Variants in AP1G1 observed in about 807,000 individuals in gnomAD.
AP1G1 encodes the protein adaptor related protein complex 1 subunit gamma 1, also known as AP-1 complex subunit gamma-1.
Under a neutral mutation model 108.3 loss-of-function variants are expected in AP1G1, and 7 were observed. That is an observed-to-expected ratio of 0.06 (90% confidence interval 0.04 to 0.12). AP1G1 has a LOEUF of 0.12. Ranked by LOEUF, AP1G1 falls within the 10% of genes least tolerant of loss-of-function variation. AP1G1 has a pLI of 1.00. For missense variants in AP1G1, 756 were observed against 1,010.7 expected, an observed-to-expected ratio of 0.75 and a Z score of 3.42; for synonymous variants, 379 against 353.5, an observed-to-expected ratio of 1.07 and a Z score of -0.81.
intron 5 of AP1G1, among the ~76,000 whole-genome samples, chr16:71,770,719 C>G (rs1369560501): frequency 1.3e-5 from 2 of 152,208 alleles, no homozygotes; most frequent in East Asian, 3.8e-4. Flanking sequence ...ATCTGCCCAC[C>G]TTGGCCTCCC....
intron 1 of AP1G1, among the ~76,000 whole-genome samples, chr16:71,795,631 T>C (rs545832266): frequency 3.3e-5 from 5 of 152,244 alleles, no homozygotes; most frequent in Admixed American, 6.5e-5. Flanking sequence ...TTTAACGCCA[T>C]TTACAACCTG....
intron 2 of AP1G1, among the ~76,000 whole-genome samples, 195 bp from the exon 3 acceptor site, chr16:71,774,787 C>T (rs1477163907): frequency 1.3e-5 from 2 of 151,444 alleles, no homozygotes; most frequent in African/African-American, 4.9e-5. Flanking sequence ...ATGGTGTGAT[C>T]TCGGCTCACT....
rs761712527 is a variant in AP1G1, at chr16:71,750,323, A to G, written c.1294T>C (p.Tyr432His). 2 of 1,613,940 alleles carry G rather than the reference A, an allele frequency of 1.2e-6. No homozygotes were observed. The highest frequency in any genetic ancestry group is 4.5e-5 in the East Asian group (2 of 44,866). The change falls in exon 14 of 23, where the codon TAT becomes CAT. Residue 432 changes from tyrosine to histidine, a missense_variant. Transcript: ENST00000299980. ...TTGGGGACTGCATCATCACGAACAT[A>G]ACTTCCTGCCTAAAAGGAAATGCAG... ...IMRVLTTAGS[Y>H]VRDDAVPNLI...
chr16:71,789,990 A>C (rs113746141), intron 1 of AP1G1, among the ~76,000 whole-genome samples: 1 of 152,194 alleles, frequency 6.6e-6, no homozygotes, highest in African/African-American at 2.4e-5. Flanking sequence ...CACATTCAAC[A>C]AACTGTAACC....
intron 1 of AP1G1, among the ~76,000 whole-genome samples, chr16:71,806,222 G>C (rs538980912): frequency 1.3e-5 from 2 of 152,004 alleles, no homozygotes; most frequent in African/African-American, 4.8e-5. Context: ...CAATGACAGA[G>C]GTCAGACCAA....
chr16:71,792,586 C>T (rs1597085019), intron 1 of AP1G1, among the ~76,000 whole-genome samples: 1 of 152,300 alleles, frequency 6.6e-6, no homozygotes. Flanking sequence ...GGTGCAGTGG[C>T]TCACACCTGT....
intron 17 of AP1G1, 108 bp downstream of exon 17, chr16:71,746,480 C>T (rs918395642): frequency 9.5e-6 from 6 of 632,028 alleles, no homozygotes; most frequent in South Asian, 3.0e-5. Flanking sequence ...AATAGGGATA[C>T]GAGGAACAAT....
In AP1G1 at chr16:71,780,007, T is replaced by C. The variant is rs568392550; in HGVS notation, c.202-5415A>G. 1.2e-3 allele frequency among the ~76,000 whole-genome samples: 182 copies of C among 150,616 alleles called. 1 individual carries two copies. Among genetic ancestry groups the C allele is most frequent in the South Asian group, 6.5e-3 (31 of 4,760 alleles). On this transcript the variant is annotated intron_variant, in intron 2 of 22. Coordinates refer to ENST00000299980, the MANE Select transcript of AP1G1 (RefSeq NM_001128.6). ...TCAGTTTTTTTTTGTTTTTTTTTTT[T>C]TTTTGAGACGAAGTCTGGCTCTGTC...
chr16:71,762,050 A>T (rs1170884695), intron 9 of AP1G1, among the ~76,000 whole-genome samples: 2 of 152,052 alleles, frequency 1.3e-5, no homozygotes, highest in African/African-American at 2.4e-5. Context: ...AAACAACTGT[A>T]CATATAGACA....
intron 1 of AP1G1, chr16:71,808,204 C>CA (rs1555560556): frequency 4.4e-5 from 49 of 1,101,148 alleles, no homozygotes; most frequent in Middle Eastern, 4.3e-4. Context: ...AACAAAACAA[C>CA]AACATATACA....
Position 71,739,075 on chromosome 16 carries a change from T to C in AP1G1, c.2135A>G (p.Lys712Arg), listed in dbSNP as rs2045585796. 1 of 1,614,232 alleles carries C rather than the reference T, an allele frequency of 6.2e-7. No homozygotes were observed. The change falls in exon 21 of 23, where the codon AAG (lysine) becomes AGG (arginine). Residue 712 changes from lysine (K) to arginine (R), a missense_variant. Transcript: ENST00000299980. ...AGIPSITAYS[K>R]NGLKIEFTFE... is the part of the protein sequence containing the mutation. ...GGTGAATTCTATCTTCAAGCCATTCTTACTGTATGCTGTGATGGAGGGGAT... is the reference window on the plus strand; with the variant it reads ...GGTGAATTCTATCTTCAAGCCATTCCTACTGTATGCTGTGATGGAGGGGAT...
At chr16:71,763,134 A>T (rs963655712) in intron 9 of AP1G1, among the ~76,000 whole-genome samples, 2 of 152,208 alleles carry the variant, frequency 1.3e-5, no homozygotes, top group African/African-American at 4.8e-5. Flanking sequence ...GCTGAGGTGG[A>T]AAGATTGCTT....
chr16:71,753,614 T>G (rs2030620051), intron 13 of AP1G1: 5 of 538,882 alleles, frequency 9.3e-6, no homozygotes, highest in Non-Finnish European at 1.7e-5. Flanking sequence ...AACTCTAATC[T>G]AAAACACTTG....
In AP1G1 at chr16:71,738,969, G is replaced by A; in HGVS notation, c.2241C>T (p.Asp747=). 1 of 1,613,994 alleles carries A rather than the reference G, an allele frequency of 6.2e-7. No homozygotes were observed. The highest frequency in any genetic ancestry group is 1.1e-5 in the South Asian group (1 of 91,062). ...TTGGTACTGCAGCTTGGAAAACAAAGTCCGTCATATCTAGCTCTGTGCTGT... is the reference window on the plus strand; with the variant it reads ...TTGGTACTGCAGCTTGGAAAACAAAATCCGTCATATCTAGCTCTGTGCTGT... ...ASNSTELDMT[D]FVFQAAVPKT... The change falls in exon 21 of 23, where the codon GAC becomes GAT. Residue 747 remains aspartate, a synonymous_variant. Transcript: ENST00000299980.
chr16:71,805,351 G>A (rs1259768805), intron 1 of AP1G1, among the ~76,000 whole-genome samples: 2 of 151,512 alleles, frequency 1.3e-5, no homozygotes, highest in Non-Finnish European at 2.9e-5. Context: ...GGGAGGCTGA[G>A]GCAGCAGAAA....
chr16:71,752,264 A>C (rs2030546636), intron 13 of AP1G1, among the ~76,000 whole-genome samples: 1 of 152,198 alleles, frequency 6.6e-6, no homozygotes, highest in Non-Finnish European at 1.5e-5. Context: ...CCTCATGAAA[A>C]CTAGGAAAAC....
At chr16:71,769,407 A>C in intron 6 of AP1G1, 1 of 513,498 alleles carries the variant, frequency 1.9e-6, no homozygotes, top group Non-Finnish European at 3.6e-6. Context: ...ACAATGAGAG[A>C]AGACTTCTAT....
chr16:71,785,830 T>C (rs1277818550), intron 2 of AP1G1, among the ~76,000 whole-genome samples: 2 of 151,588 alleles, frequency 1.3e-5, no homozygotes, highest in African/African-American at 4.9e-5. Flanking sequence ...TGCAGTGAGC[T>C]GAGATCACAC....
chr16:71,765,262 G>A (rs1013318519), intron 7 of AP1G1, among the ~76,000 whole-genome samples: 1 of 152,194 alleles, frequency 6.6e-6, no homozygotes, highest in Non-Finnish European at 1.5e-5. Flanking sequence ...GGGAGGTCGA[G>A]GCTGCAGTGA....
Sources: allele counts gnomAD v4.1 joint callset (sites outside exome capture counted in the v4.1 genomes callset), GRCh38; gene constraint gnomAD v4.1.1; transcripts MANE v1.5; gene names NCBI Gene and HGNC (gene_info 2026-07-23, HGNC 2026-07-21).